Variants in GLRA3 observed in about 807,000 individuals in gnomAD.
GLRA3 encodes the protein glycine receptor alpha 3, also known as glycine receptor subunit alpha-3.
In GLRA3, 44 loss-of-function variants were observed where a neutral mutation model predicts 60.4. The observed-to-expected ratio is 0.73, with a 90% CI of 0.57 to 0.94. The LOEUF (loss-of-function observed/expected upper bound fraction) is 0.94, where lower values mean the gene tolerates loss of function less well. GLRA3 is among the 40% of genes least tolerant of loss of function. GLRA3 has a pLI of 0.00. For synonymous variants in GLRA3, 223 were observed against 192.9 expected, an observed-to-expected ratio of 1.16 and a Z score of -1.29; for missense variants, 508 against 564.6, an observed-to-expected ratio of 0.90 and a Z score of 1.02.
chr4:174,656,713 C>A, intron 9 of GLRA3, 30 bp downstream of exon 9: 1 of 1,259,730 alleles, frequency 7.9e-7, no homozygotes, highest in South Asian at 1.2e-5. Context: ...GACCACATTC[C>A]TCTATTTAGA....
Position 174,781,952 on chromosome 4 carries a change from T to C in GLRA3, c.199+6864A>G, listed in dbSNP as rs1443458298. ...AATCAATAGAAAAAGAGGGAATCCTTCCTAACTCATTTTATGAGGCCAGCA... is the reference window on the plus strand; with the variant it reads ...AATCAATAGAAAAAGAGGGAATCCTCCCTAACTCATTTTATGAGGCCAGCA... On this transcript the variant is annotated intron_variant, in intron 2 of 9. Coordinates refer to ENST00000274093, the MANE Select transcript of GLRA3 (RefSeq NM_006529.4). 1.1e-4 allele frequency among the ~76,000 whole-genome samples: 16 copies of C among 151,682 alleles called. No individual in the cohort carries two copies. The East Asian group carries it at 1.2e-3, about 11-fold the overall frequency.
chr4:174,771,210 TAACTTAA>T (rs1738372345), intron 2 of GLRA3, among the ~76,000 whole-genome samples: 1 of 152,054 alleles, frequency 6.6e-6, no homozygotes, highest in South Asian at 2.1e-4. Flanking sequence ...TGTGCACATG[TAACTTAA>T]AACTTAAAGT....
At chr4:174,713,955 C>T (rs1735814207) in intron 5 of GLRA3, among the ~76,000 whole-genome samples, 1 of 152,108 alleles carries the variant, frequency 6.6e-6, no homozygotes, top group African/African-American at 2.4e-5. Context: ...TCCCCTGTTC[C>T]CTTTCTTCAT....
At chr4:174,727,385 T>G (rs1460418870) in intron 4 of GLRA3, among the ~76,000 whole-genome samples, 2 of 152,126 alleles carry the variant, frequency 1.3e-5, no homozygotes, top group Non-Finnish European at 2.9e-5. Context: ...AAGAGAGAGA[T>G]AAAACAGAAT....
intron 1 of GLRA3, among the ~76,000 whole-genome samples, chr4:174,818,702 T>C (rs2111390657): frequency 6.6e-6 from 1 of 152,360 alleles, no homozygotes; most frequent in African/African-American, 2.4e-5. Context: ...CTAATAGTTC[T>C]ATCTTTATAA....
chr4:174,726,329 A>G (rs114116234), intron 4 of GLRA3, among the ~76,000 whole-genome samples: 234 of 152,270 alleles, frequency 1.5e-3, no homozygotes, highest in Middle Eastern at 0.01. Context: ...TCCTGACACT[A>G]TCTTGAGTTA....
At chr4:174,651,272 T>C (rs1364840935) in intron 9 of GLRA3, among the ~76,000 whole-genome samples, 1 of 152,160 alleles carries the variant, frequency 6.6e-6, no homozygotes, top group Non-Finnish European at 1.5e-5. Context: ...AATGGCCAAT[T>C]AAAACATTTA....
At chr4:174,713,405 G>A (rs1047383372) in intron 5 of GLRA3, among the ~76,000 whole-genome samples, 11 of 152,022 alleles carry the variant, frequency 7.2e-5, no homozygotes, top group African/African-American at 2.7e-4. Flanking sequence ...CAACCCTCAG[G>A]CACTGTACTT....
chr4:174,777,300 A>C (rs1371780243), intron 2 of GLRA3, among the ~76,000 whole-genome samples: 1 of 152,210 alleles, frequency 6.6e-6, no homozygotes, highest in Non-Finnish European at 1.5e-5. Flanking sequence ...AATTGTATAA[A>C]GTTTCTTTAA....
intron 2 of GLRA3, among the ~76,000 whole-genome samples, chr4:174,787,503 GT>G (rs1739168375): frequency 6.6e-6 from 1 of 150,904 alleles, no homozygotes. Flanking sequence ...ATTGTACCCT[GT>G]AAGCTGTACT....
chr4:174,797,334 A>G (rs1739612976), intron 1 of GLRA3, among the ~76,000 whole-genome samples: 1 of 152,136 alleles, frequency 6.6e-6, no homozygotes, highest in Non-Finnish European at 1.5e-5. Context: ...GACTTTTTCG[A>G]ATAGTCTTTT....
chr4:174,677,727 G>T (rs1465363684), intron 6 of GLRA3, among the ~76,000 whole-genome samples: 1 of 151,998 alleles, frequency 6.6e-6, no homozygotes, highest in East Asian at 1.9e-4. Flanking sequence ...GTCTCGTATT[G>T]ATTCTTGAAA....
intron 3 of GLRA3, among the ~76,000 whole-genome samples, chr4:174,739,529 G>A (rs7655252): frequency 0.2 from 30,106 of 151,954 alleles, 4,388 homozygotes; most frequent in African/African-American, 0.41. Context: ...TTCTCAATTA[G>A]ATTAAAAAGT....
intron 4 of GLRA3, among the ~76,000 whole-genome samples, chr4:174,724,064 A>G (rs189451130): frequency 1.1e-4 from 16 of 150,822 alleles, no homozygotes; most frequent in East Asian, 3.9e-4. Context: ...GTGTGTGTGT[A>G]TATATATATG....
At chr4:174,694,522 G>T (rs893459396) in intron 5 of GLRA3, among the ~76,000 whole-genome samples, 2 of 152,034 alleles carry the variant, frequency 1.3e-5, no homozygotes, top group African/African-American at 4.8e-5. Flanking sequence ...CAGAAATAAA[G>T]TTATTTGAAA....
intron 2 of GLRA3, among the ~76,000 whole-genome samples, chr4:174,771,152 C>A (rs1335044684): frequency 6.6e-6 from 1 of 151,668 alleles, no homozygotes; most frequent in African/African-American, 2.4e-5. Flanking sequence ...TTAATGGGTG[C>A]AGCACACCAA....
intron 4 of GLRA3, among the ~76,000 whole-genome samples, chr4:174,726,805 G>A (rs1561080049): frequency 2.0e-5 from 3 of 147,096 alleles, no homozygotes; most frequent in Non-Finnish European, 4.5e-5. Context: ...CATCTTCCCC[G>A]AAGTGAGATT....
rs552211865 is a variant in GLRA3 at position 174,744,704 on chromosome 4, G to GT, written c.268-16007dup. Among the ~76,000 whole-genome samples the GT allele has an allele frequency of 9.2e-5, 14 of 152,250 alleles. No homozygotes were observed. The South Asian group carries it at 2.9e-3, about 32-fold the overall frequency. ...ATTGTAAGAAATGACTATTACACCA[G>GT]TTACATATATATCAACATAAGGACA... On this transcript the variant is annotated intron_variant, in intron 3 of 9. Transcript: ENST00000274093.
chr4:174,789,988 G>C (rs1739261086), intron 1 of GLRA3, among the ~76,000 whole-genome samples: 1 of 152,138 alleles, frequency 6.6e-6, no homozygotes, highest in Non-Finnish European at 1.5e-5. Flanking sequence ...TTAGTGAGAA[G>C]TACAACTGGG....
Sources: allele counts gnomAD v4.1 joint callset (sites outside exome capture counted in the v4.1 genomes callset), GRCh38; gene constraint gnomAD v4.1.1; transcripts MANE v1.5; gene names NCBI Gene and HGNC (gene_info 2026-07-23, HGNC 2026-07-21).